Variants in FNDC8 observed in about 807,000 individuals in gnomAD.
FNDC8 encodes fibronectin type III domain-containing protein 8.
FNDC8 carries 23 observed loss-of-function variants against 24.8 expected under a neutral mutation model. The ratio of observed to expected loss-of-function variants is 0.93; its 90% CI spans 0.67 to 1.31. The LOEUF (loss-of-function observed/expected upper bound fraction) is 1.31, where lower values mean the gene tolerates loss of function less well. Ranked by LOEUF, FNDC8 falls within the 40% of genes most tolerant of loss-of-function variation. The probability of loss-of-function intolerance (pLI) is 0.00; values close to 1 mark genes in which losing one functional copy is unlikely to be tolerated. For missense variants in FNDC8, 371 were observed against 398.2 expected (o/e 0.93, Z 0.58); for synonymous variants, 158 against 165.3 (o/e 0.96, Z 0.34).
chr17:35,126,966 C>G, intron 1 of FNDC8, 76 bp from the exon 2 acceptor site: 2 of 1,510,774 alleles, frequency 1.3e-6, no homozygotes, highest in Non-Finnish European at 1.8e-6. Flanking sequence ...TAAGTCAGGC[C>G]CAAGGCCTGC....
Position 35,127,145 on chromosome 17 carries a change from C to A in FNDC8, c.313C>A (p.Pro105Thr), listed in dbSNP as rs1356474768. The change falls in exon 2 of 4, where the codon CCC (proline) becomes ACC (threonine). Residue 105 changes from proline to threonine, a missense_variant. Pro to Thr is a conservative substitution (Grantham distance 38). Coordinates refer to ENST00000158009, the MANE Select transcript of FNDC8 (RefSeq NM_017559.4). ...CCCCATCAAATTAGCTGTGACCCAG[C>A]CCAACAGCAGCTTCTTTGCAGGGAT... ...LNPIKLAVTQ[P>T]NSSFFAGMLE... The A allele has an allele frequency of 1.2e-6, 2 of 1,614,098 alleles. No individual in the cohort carries two copies. Among genetic ancestry groups the A allele is most frequent in the East Asian group, 4.5e-5 (2 of 44,898 alleles).
Position 35,129,577 on chromosome 17 carries a change from G to A in FNDC8, c.741G>A (p.Glu247=). ...KILGTTVKLM[E]LKPNTCYCLS... ...TGGGCACTACTGTCAAGCTGATGGAGCTAAAGCCTAACACGTGTTACTGCC... is the reference window on the plus strand; with the variant it reads ...TGGGCACTACTGTCAAGCTGATGGAACTAAAGCCTAACACGTGTTACTGCC... Residue 247 remains glutamate (E), a synonymous_variant, in exon 3 of 4, where the codon GAG becomes GAA. Coordinates refer to ENST00000158009, the MANE Select transcript of FNDC8 (RefSeq NM_017559.4). 16 of 1,614,204 alleles carry A rather than the reference G, an allele frequency of 9.9e-6. No homozygotes were observed. Among genetic ancestry groups the A allele is most frequent in the Non-Finnish European group, 1.4e-5 (16 of 1,180,038 alleles).
At chr17:35,130,105 G>A (rs2091867297) in intron 3 of FNDC8, 177 bp from the exon 4 acceptor site, 1 of 1,429,516 alleles carries the variant, frequency 7.0e-7, no homozygotes, top group Admixed American at 2.9e-5. Flanking sequence ...CCATAATGAG[G>A]AGGTACAGGC....
chr17:35,127,084 G>C lies in FNDC8; in HGVS notation c.252G>C (p.Glu84Asp), dbSNP rs1159320280. Residue 84 changes from glutamate to aspartate, a missense_variant, in exon 2 of 4, where the codon GAG (glutamate) becomes GAC (aspartate). Glu to Asp is a conservative substitution (Grantham distance 45). Coordinates refer to ENST00000158009, the MANE Select transcript of FNDC8 (RefSeq NM_017559.4). Reference sequence around the variant, plus strand: ...AGGATTCAGACTGCAGCTCTGATGAGACCAGCATCTCTGCCTTCTCATCCA... The same window carrying C: ...AGGATTCAGACTGCAGCTCTGATGACACCAGCATCTCTGCCTTCTCATCCA... ...PVEDSDCSSD[E>D]TSISAFSSTL... 6.2e-7 allele frequency: 1 copy of C among 1,613,088 alleles called. No individual in the cohort carries two copies. The highest frequency in any genetic ancestry group is 1.3e-5 in the African/African-American group (1 of 74,938).
At chr17:35,121,988 T>TTCC (rs1491561469) in intron 1 of FNDC8, 86 bp downstream of exon 1, 14 of 13,666 alleles carry the variant, frequency 1.0e-3, no homozygotes, top group South Asian at 9.4e-3. Context: ...CCTTCCTTCC[T>TTCC]TTTTTTTTTT....
At position 35,127,515 on chromosome 17, in the gene FNDC8, C is replaced by T. The variant is rs969180629; in HGVS notation, c.585+98C>T. 8.1e-6 allele frequency: 11 copies of T among 1,365,982 alleles called. No individual in the cohort carries two copies. In the East Asian group the frequency reaches 1.2e-4, roughly 15 times the overall value. 84.6% of individuals were successfully genotyped at this position (1,365,982 alleles called of 1,614,324 possible). On this transcript the variant is annotated intron_variant, in intron 2 of 3. Transcript: ENST00000158009. ...GAGAAGGTGCCTGCCACCTGCATGTCGACCTCAAGTTCACGGTTTAGGAAG... is the reference window on the plus strand; with the variant it reads ...GAGAAGGTGCCTGCCACCTGCATGTTGACCTCAAGTTCACGGTTTAGGAAG...
chr17:35,125,806 G>A (rs1390263113), intron 1 of FNDC8, among the ~76,000 whole-genome samples: 1 of 152,164 alleles, frequency 6.6e-6, no homozygotes, highest in African/African-American at 2.4e-5. Context: ...GGAGTAAATG[G>A]AGGTTTAATA....
chr17:35,127,639 G>GAT (rs1354331791), intron 2 of FNDC8, among the ~76,000 whole-genome samples: 1 of 152,244 alleles, frequency 6.6e-6, no homozygotes, highest in East Asian at 1.9e-4. Context: ...CAGAGGGAAA[G>GAT]ATATTTCCAG....
chr17:35,122,339 T>C lies in FNDC8; in HGVS notation c.209+437T>C, dbSNP rs535067211. ...TTATAGGCTTGAGCCACCATGCCTA[T>C]AGTTTCTAAGAAAGGCTGGAGCCGA... On this transcript the variant is annotated intron_variant, in intron 1 of 3. Transcript: ENST00000158009. Among the ~76,000 whole-genome samples the C allele has an allele frequency of 4.6e-5, 7 of 150,616 alleles. No individual in the cohort carries two copies. The South Asian group carries it at 1.3e-3, about 27-fold the overall frequency.
At chr17:35,124,445 C>G (rs965138397) in intron 1 of FNDC8, among the ~76,000 whole-genome samples, 6 of 151,580 alleles carry the variant, frequency 4.0e-5, no homozygotes, top group Non-Finnish European at 7.4e-5. Context: ...GAGAATCACT[C>G]TCACCCAGGA....
rs144084758 is a variant in FNDC8 at position 35,127,243 on chromosome 17, C to G, written c.411C>G (p.Leu137=). The change falls in exon 2 of 4, where the codon CTC becomes CTG. Residue 137 remains leucine, a synonymous_variant. Transcript: ENST00000158009. ...ATGCAGAAAATGAGGACCTGGCGCT[C>G]GGCCCCTGCCCATGCCCATCGAAGT... is the stretch of plus-strand genomic sequence containing the variant. ...AKNAENEDLA[L]GPCPCPSKSQ... 16 of 1,613,536 alleles carry G rather than the reference C, an allele frequency of 9.9e-6. No individual in the cohort carries two copies. In the African/African-American group the frequency reaches 2.0e-4, roughly 20 times the overall value.
At position 35,127,159 on chromosome 17, in the gene FNDC8, C is replaced by A; in HGVS notation, c.327C>A (p.Phe109Leu). 6.2e-7 allele frequency: 1 copy of A among 1,614,222 alleles called. No individual in the cohort carries two copies. The change falls in exon 2 of 4, where the codon TTC (phenylalanine) becomes TTA (leucine). Residue 109 changes from phenylalanine to leucine, a missense_variant. Transcript: ENST00000158009. ...KLAVTQPNSSFFAGMLEGELN... is the reference protein window; with the variant it reads ...KLAVTQPNSSLFAGMLEGELN... ...CTGTGACCCAGCCCAACAGCAGCTTCTTTGCAGGGATGCTGGAGGGGGAGC... is the reference window on the plus strand; with the variant it reads ...CTGTGACCCAGCCCAACAGCAGCTTATTTGCAGGGATGCTGGAGGGGGAGC...
intron 1 of FNDC8, among the ~76,000 whole-genome samples, chr17:35,122,951 G>A (rs901854449): frequency 2.6e-5 from 4 of 152,152 alleles, no homozygotes; most frequent in African/African-American, 9.7e-5. Flanking sequence ...GACCAGAGGG[G>A]CTTAGTATAG....
At chr17:35,129,260 C>T in intron 2 of FNDC8, 162 bp from the exon 3 acceptor site, 1 of 866,034 alleles carries the variant, frequency 1.2e-6, no homozygotes, top group South Asian at 1.6e-5. Context: ...GGCAGGGGTT[C>T]CACACTCAGT....
chr17:35,129,521 AAGAAT>A lies in FNDC8; in HGVS notation c.686_690del (p.Lys229ThrfsTer21). ...ACAGGAGAATGAGTTGCCCGAGGCA[AAGAAT>A]CGTCCATGGATCTTCAACAAGATTT... On this transcript the variant is annotated frameshift_variant, in exon 3 of 4. Transcript: ENST00000158009. LOFTEE classifies it high-confidence loss of function. The A allele has an allele frequency of 6.2e-7, 1 of 1,614,208 alleles. No individual in the cohort carries two copies. Among genetic ancestry groups the A allele is most frequent in the Non-Finnish European group, 8.5e-7 (1 of 1,180,030 alleles).
At chr17:35,124,459 G>C (rs531182940) in intron 1 of FNDC8, among the ~76,000 whole-genome samples, 1 of 152,140 alleles carries the variant, frequency 6.6e-6, no homozygotes. Context: ...CCCAGGAGGC[G>C]GAGGTTGCAG....
At position 35,129,515 on chromosome 17, in the gene FNDC8, G is replaced by A. The variant is rs537703343; in HGVS notation, c.679G>A (p.Glu227Lys). ...CAAGACACAGGAGAATGAGTTGCCC[G>A]AGGCAAAGAATCGTCCATGGATCTT... ...VAKTQENELP[E>K]AKNRPWIFNK... Residue 227 changes from glutamate (E) to lysine (K), a missense_variant, in exon 3 of 4, where the codon GAG (glutamate) becomes AAG (lysine). By Grantham distance (56) the Glu-to-Lys change is moderately conservative. Transcript: ENST00000158009. 3.0e-5 allele frequency: 48 copies of A among 1,614,178 alleles called. No homozygotes were observed. Among genetic ancestry groups the A allele is most frequent in the Middle Eastern group, 1.6e-4 (1 of 6,062 alleles).
rs948337140 is a variant in FNDC8 at position 35,130,171 on chromosome 17, C to A, written c.823-111C>A. On this transcript the variant is annotated intron_variant, in intron 3 of 3. Transcript: ENST00000158009. ...GCGTCAATGGCTAGGTTGGATAAGG[C>A]TGTTTAAGGTCTGAGTCAGCAGACA... 4.0e-6 allele frequency: 6 copies of A among 1,488,200 alleles called. No individual in the cohort carries two copies. The Admixed American group carries it at 1.4e-4, about 36-fold the overall frequency. The allele number at this position is 1,488,200 out of a possible 1,614,324, so 92.2% of individuals were successfully genotyped here. A position where few individuals can be genotyped will look rare whatever the true frequency, so the allele number is the denominator to read the frequency against.
chr17:35,128,425 G>A (rs892603972), intron 2 of FNDC8, among the ~76,000 whole-genome samples: 2 of 152,240 alleles, frequency 1.3e-5, no homozygotes, highest in African/African-American at 4.8e-5. Flanking sequence ...GGAGAAACCA[G>A]ACAGGAGGCA....
Sources: allele counts gnomAD v4.1 joint callset (sites outside exome capture counted in the v4.1 genomes callset), GRCh38; gene constraint gnomAD v4.1.1; transcripts MANE v1.5; gene names NCBI Gene and HGNC (gene_info 2026-07-23, HGNC 2026-07-21).